CLIC2: variants seen among roughly 807,000 people sequenced by gnomAD.
CLIC2 encodes CLIC family member 2.
Under a neutral mutation model 14.8 loss-of-function variants are expected in CLIC2, and 9 were observed. The observed-to-expected ratio is 0.61, with a 90% CI of 0.37 to 1.06. The LOEUF (loss-of-function observed/expected upper bound fraction) is 1.06. CLIC2 is among the 50% of genes least tolerant of loss of function. The pLI is 0.01. For synonymous variants in CLIC2, 61 were observed against 66.3 expected (o/e 0.92, Z 0.39); for missense variants, 148 against 181.4 (o/e 0.82, Z 1.06).
At chrX:155,314,124 G>A (rs2075085745) in intron 1 of CLIC2, among the ~76,000 whole-genome samples, 1 of 110,440 alleles carries the variant, frequency 9.1e-6, no homozygotes, top group Non-Finnish European at 1.9e-5. Flanking sequence ...AAGGACAAGG[G>A]ACATAATCTC....
At chrX:155,290,366 T>C in intron 3 of CLIC2, 1 of 441,354 alleles carries the variant, frequency 2.3e-6, no homozygotes, top group Non-Finnish European at 4.0e-6. Flanking sequence ...GAATCAGTAG[T>C]AGCTTCATTT....
At chrX:155,292,240 A>G in intron 3 of CLIC2, 1 of 569,839 alleles carries the variant, frequency 1.8e-6, no homozygotes, top group Non-Finnish European at 3.2e-6. Context: ...ATTTAGAGAG[A>G]CGAGATTTGT....
intron 3 of CLIC2, among the ~76,000 whole-genome samples, chrX:155,294,278 TA>T (rs2074985225): frequency 9.0e-6 from 1 of 110,900 alleles, no homozygotes; most frequent in African/African-American, 3.3e-5. Flanking sequence ...CATAAATACA[TA>T]AAAATTAACC....
intron 1 of CLIC2, chrX:155,309,633 G>A (rs2075067148): frequency 4.0e-6 from 1 of 249,817 alleles, no homozygotes; most frequent in Non-Finnish European, 7.5e-6. Flanking sequence ...CATCTCACAT[G>A]GCAGCAGACA....
chrX:155,288,851 A>T (rs75831269), intron 3 of CLIC2, among the ~76,000 whole-genome samples: 1,934 of 111,534 alleles, frequency 0.017, 34 homozygotes, highest in African/African-American at 0.06. Context: ...AAGGTTTAGA[A>T]ATAAGTGCTT....
intron 1 of CLIC2, among the ~76,000 whole-genome samples, chrX:155,310,683 G>C (rs1402698958): frequency 8.9e-6 from 1 of 112,176 alleles, no homozygotes; most frequent in Non-Finnish European, 1.9e-5. Context: ...GACTCTGTGT[G>C]GGGGCTCCAA....
Position 155,298,871 on chromosome X carries a change from A to G in CLIC2, c.207T>C (p.Asn69=), listed in dbSNP as rs376246918. 25 of 1,205,520 alleles carry G rather than the reference A, an allele frequency of 2.1e-5. No homozygotes were observed. The highest frequency in any genetic ancestry group is 3.5e-5 in the African/African-American group (2 of 57,056). ...EELKDLAPGT[N]PPFLVYNKEL... is the part of the protein sequence containing the mutation. ...CCTTGTTATACACCAGGAACGGAGG[A>G]TTGGTACCTGGGGCTAAGTCCTTTA... Residue 69 remains asparagine, a synonymous_variant, in exon 3 of 6, where the codon AAT becomes AAC. Transcript: ENST00000369449.
chrX:155,291,942 C>T (rs1273654186), intron 3 of CLIC2, among the ~76,000 whole-genome samples: 1 of 112,148 alleles, frequency 8.9e-6, no homozygotes, highest in South Asian at 3.7e-4. Context: ...CCCGCAGCCC[C>T]GCGGCCATGC....
rs1272566898 is a variant in CLIC2 at position 155,277,052 on chromosome X, T to G, written c.*851A>C. ...AGATTTGAATGATTTAAGAGTACTT[T>G]AACAAGTGAATCTGAATACGTATAG... On this transcript the variant is annotated 3_prime_UTR_variant, in exon 6 of 6. Coordinates refer to ENST00000369449, the MANE Select transcript of CLIC2 (RefSeq NM_001289.6). 4 of 112,452 alleles carry G rather than the reference T, an allele frequency of 3.6e-5. No homozygotes were observed. Among genetic ancestry groups the G allele is most frequent in the African/African-American group, 9.7e-5 (3 of 31,025 alleles). The allele number at this position is 112,452 out of a possible 1,213,427, so 9.3% of individuals were successfully genotyped here.
chrX:155,282,894 C>T (rs1040278324), intron 3 of CLIC2, among the ~76,000 whole-genome samples: 1 of 111,242 alleles, frequency 9.0e-6, no homozygotes, highest in Non-Finnish European at 1.9e-5. Flanking sequence ...GCCACAGGTA[C>T]CAGGTCAGCA....
chrX:155,321,664 CA>C (rs1557321661), intron 1 of CLIC2, among the ~76,000 whole-genome samples: 1 of 111,433 alleles, frequency 9.0e-6, no homozygotes, highest in African/African-American at 3.3e-5. Flanking sequence ...AACTAATGAG[CA>C]AAATAACTAG....
chrX:155,296,169 C>T (rs2074991218), intron 3 of CLIC2, among the ~76,000 whole-genome samples: 1 of 111,841 alleles, frequency 8.9e-6, no homozygotes, highest in Non-Finnish European at 1.9e-5. Context: ...AAAATAGACA[C>T]ACAGAGCAAT....
chrX:155,326,645 C>T (rs782394250), intron 1 of CLIC2, among the ~76,000 whole-genome samples: 2 of 111,730 alleles, frequency 1.8e-5, no homozygotes, highest in South Asian at 7.4e-4. Context: ...ATTTATACAG[C>T]CTTGTTTGTA....
At chrX:155,294,260 A>C (rs1157251073) in intron 3 of CLIC2, among the ~76,000 whole-genome samples, 2 of 111,921 alleles carry the variant, frequency 1.8e-5, no homozygotes, top group Non-Finnish European at 3.8e-5. Context: ...GAGGAACTTT[A>C]GAAACTGCAT....
At position 155,279,970 on chromosome X, in the gene CLIC2, G is replaced by T. The variant is rs782547045; in HGVS notation, c.392C>A (p.Ala131Glu). Residue 131 changes from alanine (A) to glutamate (E), a missense_variant, in exon 4 of 6, where the codon GCA (alanine) becomes GAA (glutamate). By Grantham distance (107) the Ala-to-Glu change is moderately radical. Transcript: ENST00000369449. ...AAAGAAAGGTATCTTACTCTTATTT[G>T]CCTCCTTTTGTGTATTCTTAATGTA... ...SAYIKNTQKEANKNFEKSLLK... is the reference protein window; with the variant it reads ...SAYIKNTQKEENKNFEKSLLK... 5 of 1,172,806 alleles carry T rather than the reference G, an allele frequency of 4.3e-6. No individual in the cohort carries two copies. In the East Asian group the frequency reaches 8.9e-5, roughly 21 times the overall value.
intron 1 of CLIC2, among the ~76,000 whole-genome samples, chrX:155,325,178 A>G (rs1173187044): frequency 8.9e-6 from 1 of 112,215 alleles, no homozygotes; most frequent in African/African-American, 3.2e-5. Flanking sequence ...AATTAGTTCA[A>G]TCATTGTGGA....
At chrX:155,300,124 C>T (rs371842323) in intron 1 of CLIC2, among the ~76,000 whole-genome samples, 34 of 108,275 alleles carry the variant, frequency 3.1e-4, no homozygotes, top group Admixed American at 1.8e-3. Context: ...ATGGTATTTC[C>T]AGTTCTAGAT....
chrX:155,282,495 C>T (rs1300908618), intron 3 of CLIC2, among the ~76,000 whole-genome samples: 1 of 110,903 alleles, frequency 9.0e-6, no homozygotes, highest in Non-Finnish European at 1.9e-5. Context: ...CCATGATTAC[C>T]CCAGACTTTA....
At chrX:155,329,491 C>T (rs782003772) in intron 1 of CLIC2, among the ~76,000 whole-genome samples, 4 of 106,278 alleles carry the variant, frequency 3.8e-5, no homozygotes, top group Non-Finnish European at 3.9e-5. Flanking sequence ...ATTACTTTTG[C>T]ACCAACCTAA....
Sources: allele counts gnomAD v4.1 joint callset (sites outside exome capture counted in the v4.1 genomes callset), GRCh38; gene constraint gnomAD v4.1.1; transcripts MANE v1.5; gene names NCBI Gene and HGNC (gene_info 2026-07-23, HGNC 2026-07-21).